MYO5B: variants seen among roughly 807,000 people sequenced by gnomAD.
The protein encoded by MYO5B is myosin VB.
A neutral mutation model predicts 229.3 loss-of-function variants in MYO5B; 143 were observed. The observed-to-expected ratio is 0.62, with a 90% CI of 0.54 to 0.72. The LOEUF (loss-of-function observed/expected upper bound fraction) is 0.72. MYO5B is among the 30% of genes least tolerant of loss of function. The probability of loss-of-function intolerance (pLI) is 0.00; values close to 1 mark genes in which losing one functional copy is unlikely to be tolerated. For missense variants in MYO5B, 2,321 were observed against 2,331.0 expected (o/e 1.00, Z 0.09); for synonymous variants, 918 against 885.2 (o/e 1.04, Z -0.66).
At chr18:50,113,358 G>A (rs149876965) in intron 1 of MYO5B, among the ~76,000 whole-genome samples, 125 of 152,288 alleles carry the variant, frequency 8.2e-4, no homozygotes, top group African/African-American at 2.9e-3. Context: ...TCCCTGTGAT[G>A]CTGTCGTGAT....
At chr18:50,119,723 G>C (rs189886953) in intron 1 of MYO5B, among the ~76,000 whole-genome samples, 1 of 152,248 alleles carries the variant, frequency 6.6e-6, no homozygotes, top group East Asian at 1.9e-4. Context: ...AGCCCGAGTT[G>C]TTCATCGCGC....
At chr18:50,160,541 C>T (rs749103582) in intron 1 of MYO5B, among the ~76,000 whole-genome samples, 30 of 152,124 alleles carry the variant, frequency 2.0e-4, no homozygotes, top group South Asian at 4.2e-4. Context: ...GTCCTCCAGC[C>T]GACTGTGTTC....
chr18:49,898,150 T>C (rs555011869), intron 21 of MYO5B, among the ~76,000 whole-genome samples: 1 of 152,330 alleles, frequency 6.6e-6, no homozygotes, highest in East Asian at 1.9e-4. Context: ...AAGCGAAATC[T>C]ATGATGTTCA....
chr18:49,887,617 C>T (rs1787313), intron 22 of MYO5B, among the ~76,000 whole-genome samples: 87,920 of 151,594 alleles, frequency 0.58, 25,605 homozygotes, highest in Middle Eastern at 0.66. Flanking sequence ...CACTACACTT[C>T]CTGTACAGAC....
intron 22 of MYO5B, among the ~76,000 whole-genome samples, chr18:49,884,296 G>A (rs1417172744): frequency 1.3e-5 from 2 of 152,066 alleles, no homozygotes; most frequent in South Asian, 2.1e-4. Context: ...ATTTTTCCAC[G>A]GACCAGGGTG....
intron 1 of MYO5B, among the ~76,000 whole-genome samples, chr18:50,177,954 A>G (rs2033020403): frequency 6.6e-6 from 1 of 152,214 alleles, no homozygotes; most frequent in African/African-American, 2.4e-5. Flanking sequence ...CAAAGGCAAG[A>G]ATATTGTTAA....
intron 1 of MYO5B, among the ~76,000 whole-genome samples, chr18:50,123,397 T>G (rs1449432013): frequency 6.6e-6 from 1 of 152,122 alleles, no homozygotes; most frequent in Non-Finnish European, 1.5e-5. Flanking sequence ...ACTGTACACT[T>G]TAAATGGGTA....
intron 23 of MYO5B, among the ~76,000 whole-genome samples, chr18:49,879,998 C>A (rs1369377832): frequency 6.6e-6 from 1 of 152,350 alleles, no homozygotes; most frequent in East Asian, 1.9e-4. Context: ...ACTTCACGTG[C>A]AGCCTCTTCC....
In MYO5B at chr18:49,879,404, C is replaced by T. The variant is rs142649230; in HGVS notation, c.3131-314G>A. The T allele has an allele frequency of 8.8e-3, 3,660 of 416,828 alleles. 28 individuals carry two copies. Among genetic ancestry groups the T allele is most frequent in the Non-Finnish European group, 0.013 (2,800 of 222,992 alleles). The allele number at this position is 416,828 out of a possible 1,614,324, so 25.8% of individuals were successfully genotyped here. On this transcript the variant is annotated intron_variant, in intron 23 of 39. Transcript: ENST00000285039. ...CAACTGTCACAGCAACTGCTGGCAG[C>T]ATTCCTGGAAGAATGAAGGCTTATT...
chr18:49,893,749 A>C (rs1045290939), intron 22 of MYO5B, among the ~76,000 whole-genome samples: 2 of 152,192 alleles, frequency 1.3e-5, no homozygotes, highest in African/African-American at 4.8e-5. Flanking sequence ...CTGAGGCCCG[A>C]GGTGGGAAGA....
chr18:49,995,620 T>G (rs1017750701), intron 5 of MYO5B, among the ~76,000 whole-genome samples: 5 of 152,098 alleles, frequency 3.3e-5, no homozygotes, highest in African/African-American at 1.2e-4. Flanking sequence ...TGAAACCTAG[T>G]AAATAAAGCC....
chr18:49,909,478 T>C (rs1490249814), intron 18 of MYO5B, among the ~76,000 whole-genome samples: 2 of 152,246 alleles, frequency 1.3e-5, no homozygotes, highest in Non-Finnish European at 2.9e-5. Flanking sequence ...TTTCTGTATA[T>C]TCCTCATAGG....
At chr18:50,018,500 A>G (rs1437450219) in intron 4 of MYO5B, among the ~76,000 whole-genome samples, 3 of 152,200 alleles carry the variant, frequency 2.0e-5, no homozygotes, top group Non-Finnish European at 4.4e-5. Flanking sequence ...CTGGATTAAC[A>G]TGGTCAAGGC....
At chr18:49,962,530 G>T in intron 11 of MYO5B, 124 bp from the exon 12 acceptor site, 1 of 1,349,528 alleles carries the variant, frequency 7.4e-7, no homozygotes, top group East Asian at 2.4e-5. Context: ...AGGTTTGGAT[G>T]CTAAGTCATA....
At chr18:49,874,893 A>G (rs1207083468) in intron 26 of MYO5B, among the ~76,000 whole-genome samples, 1 of 152,204 alleles carries the variant, frequency 6.6e-6, no homozygotes, top group African/African-American at 2.4e-5. Context: ...CTCCTATGGC[A>G]CCAACCTGTT....
intron 1 of MYO5B, among the ~76,000 whole-genome samples, chr18:50,088,956 C>T (rs1466439461): frequency 6.6e-6 from 1 of 152,004 alleles, no homozygotes; most frequent in African/African-American, 2.4e-5. Context: ...TTGTGAATAT[C>T]ATCTAAGGGG....
rs191723720 is a variant in MYO5B at position 50,054,015 on chromosome 18, G to A, written c.138+1253C>T. Among the ~76,000 whole-genome samples the A allele has an allele frequency of 7.9e-4, 120 of 152,134 alleles. 3 individuals are homozygous for A. The South Asian group carries it at 0.019, about 24-fold the overall frequency. On this transcript the variant is annotated intron_variant, in intron 2 of 39. Transcript: ENST00000285039. ...TTTTCTCCCAGTCGTCTCCCCCACC[G>A]TAAAGCCTGCATGAACTACCTCTGC...
chr18:50,048,321 C>T lies in MYO5B; in HGVS notation c.138+6947G>A, dbSNP rs574676695. On this transcript the variant is annotated intron_variant, in intron 2 of 39. Transcript: ENST00000285039. ...AAATACTCTGATTTATGTAACCTTC[C>T]CAATTAGGAAATTCAGTTAAGTTAT... Among the ~76,000 whole-genome samples the T allele has an allele frequency of 1.4e-4, 21 of 152,242 alleles. No homozygotes were observed. The South Asian group carries it at 1.7e-3, about 12-fold the overall frequency.
chr18:50,161,079 G>C (rs1568129043), intron 1 of MYO5B, among the ~76,000 whole-genome samples: 1 of 152,188 alleles, frequency 6.6e-6, no homozygotes, highest in Non-Finnish European at 1.5e-5. Flanking sequence ...GTTGTCCCTT[G>C]TGGAGCTCAC....
Sources: allele counts gnomAD v4.1 joint callset (sites outside exome capture counted in the v4.1 genomes callset), GRCh38; gene constraint gnomAD v4.1.1; transcripts MANE v1.5; gene names NCBI Gene and HGNC (gene_info 2026-07-23, HGNC 2026-07-21).